The following SEZ6L variants were observed in gnomAD, a reference collection of about 807,000 sequenced individuals.
SEZ6L encodes the protein seizure related 6 homolog like, also known as seizure 6-like protein.
In SEZ6L, 37 loss-of-function variants were observed where a neutral mutation model predicts 106.2. That is an observed-to-expected ratio of 0.35 (90% CI 0.27 to 0.46). SEZ6L has a LOEUF of 0.46. Ranked by LOEUF, SEZ6L falls within the 20% of genes least tolerant of loss-of-function variation. The pLI, the probability that SEZ6L is intolerant of heterozygous loss-of-function variation, is 1.00. For missense variants in SEZ6L, 1,172 were observed against 1,332.8 expected, an observed-to-expected ratio of 0.88 and a Z score of 1.88; for synonymous variants, 541 against 570.4, an observed-to-expected ratio of 0.95 and a Z score of 0.73.
intron 13 of SEZ6L, among the ~76,000 whole-genome samples, chr22:26,366,887 G>A (rs934741810): frequency 5.3e-5 from 8 of 151,868 alleles, no homozygotes; most frequent in African/African-American, 1.9e-4. Context: ...GACCTCAAGC[G>A]ATCCTCCCTC....
At chr22:26,257,725 G>A (rs2079870484) in intron 1 of SEZ6L, among the ~76,000 whole-genome samples, 2 of 152,248 alleles carry the variant, frequency 1.3e-5, no homozygotes, top group South Asian at 4.2e-4. Flanking sequence ...CATTACTCCA[G>A]CCTGCAAGGA....
chr22:26,236,903 C>T (rs2078973556), intron 1 of SEZ6L, among the ~76,000 whole-genome samples: 1 of 152,166 alleles, frequency 6.6e-6, no homozygotes, highest in African/African-American at 2.4e-5. Flanking sequence ...AACAGTCCCC[C>T]TAACACACCA....
intron 11 of SEZ6L, among the ~76,000 whole-genome samples, chr22:26,349,450 T>C (rs1167255325): frequency 1.3e-5 from 2 of 152,270 alleles, no homozygotes; most frequent in Non-Finnish European, 2.9e-5. Context: ...GAAACAACGC[T>C]GCTGTTAAAC....
At chr22:26,348,575 A>G (rs535251833) in intron 11 of SEZ6L, among the ~76,000 whole-genome samples, 10 of 100,384 alleles carry the variant, frequency 1.0e-4, no homozygotes, top group Non-Finnish European at 1.3e-4. Flanking sequence ...GGAAAGAAAG[A>G]AAGAAAGAAA....
intron 5 of SEZ6L, among the ~76,000 whole-genome samples, chr22:26,300,396 C>T (rs1422003830): frequency 2.6e-5 from 4 of 151,844 alleles, no homozygotes. Flanking sequence ...TGAGTGAGAA[C>T]ATGCGGTGTT....
chr22:26,304,328 G>A (rs1189491579), intron 5 of SEZ6L, among the ~76,000 whole-genome samples: 2 of 144,724 alleles, frequency 1.4e-5, no homozygotes, highest in Non-Finnish European at 3.0e-5. Context: ...CTCTAGCCTG[G>A]GTGACAGAGC....
chr22:26,324,070 A>T (rs900737458), intron 9 of SEZ6L, among the ~76,000 whole-genome samples: 1 of 138,986 alleles, frequency 7.2e-6, no homozygotes, highest in South Asian at 2.2e-4. Context: ...TTAACCACAC[A>T]CACACACACA....
chr22:26,359,440 T>C (rs1372779010), intron 12 of SEZ6L, among the ~76,000 whole-genome samples: 1 of 152,196 alleles, frequency 6.6e-6, no homozygotes, highest in Non-Finnish European at 1.5e-5. Flanking sequence ...TTTATACCAC[T>C]AACTAGCTTG....
chr22:26,308,529 A>G (rs1022411036), intron 6 of SEZ6L, among the ~76,000 whole-genome samples: 2 of 151,972 alleles, frequency 1.3e-5, no homozygotes, highest in African/African-American at 4.8e-5. Context: ...CCCTTTCTAA[A>G]CTCCAGTCTC....
At chr22:26,320,402 CT>C (rs1202080330) in intron 9 of SEZ6L, among the ~76,000 whole-genome samples, 1 of 152,244 alleles carries the variant, frequency 6.6e-6, no homozygotes, top group Non-Finnish European at 1.5e-5. Context: ...GCTGTCACGA[CT>C]TGCGTTAGGA....
intron 1 of SEZ6L, among the ~76,000 whole-genome samples, chr22:26,282,844 A>G (rs1236815587): frequency 6.6e-6 from 1 of 152,148 alleles, no homozygotes; most frequent in Non-Finnish European, 1.5e-5. Flanking sequence ...ATAGGTTCAG[A>G]TTATTCTGAA....
intron 1 of SEZ6L, among the ~76,000 whole-genome samples, chr22:26,230,627 C>T (rs767606199): frequency 1.3e-5 from 2 of 152,180 alleles, no homozygotes; most frequent in Non-Finnish European, 2.9e-5. Context: ...TTCAGGGAAA[C>T]AGACTGGAGA....
At chr22:26,376,591 A>T (rs757870997) in intron 15 of SEZ6L, among the ~76,000 whole-genome samples, 4 of 152,074 alleles carry the variant, frequency 2.6e-5, no homozygotes, top group Non-Finnish European at 4.4e-5. Context: ...AAAAAATAAA[A>T]AATAAAATTA....
chr22:26,379,496 G>A (rs1378272266), intron 16 of SEZ6L, among the ~76,000 whole-genome samples: 1 of 152,274 alleles, frequency 6.6e-6, no homozygotes, highest in Non-Finnish European at 1.5e-5. Context: ...GCATATCTGT[G>A]TTGGCTGAAT....
At chr22:26,221,184 T>C (rs996875491) in intron 1 of SEZ6L, among the ~76,000 whole-genome samples, 19 of 152,132 alleles carry the variant, frequency 1.2e-4, no homozygotes, top group Non-Finnish European at 2.4e-4. Flanking sequence ...CCCCTGGCCT[T>C]ATTCACCTGA....
At chr22:26,215,932 G>A (rs2078285707) in intron 1 of SEZ6L, among the ~76,000 whole-genome samples, 1 of 152,212 alleles carries the variant, frequency 6.6e-6, no homozygotes, top group South Asian at 2.1e-4. Context: ...GCAAGGCACT[G>A]AATCATCCCA....
intron 1 of SEZ6L, among the ~76,000 whole-genome samples, chr22:26,239,607 A>G (rs545893940): frequency 6.6e-6 from 1 of 152,198 alleles, no homozygotes; most frequent in Non-Finnish European, 1.5e-5. Context: ...CTGATTCAAG[A>G]TGAGACCCCA....
In SEZ6L at chr22:26,201,823, T is replaced by C. The variant is rs1041890649; in HGVS notation, c.94+32060T>C. On this transcript the variant is annotated intron_variant, in intron 1 of 16. Transcript: ENST00000248933. ...ACATTTTCACAGCCCTGGCCCAGAG[T>C]AGGAGACCAATACATAGTAACTGAT... Among the ~76,000 whole-genome samples, 23 of 152,214 alleles carry C rather than the reference T, an allele frequency of 1.5e-4. No homozygotes were observed. In the South Asian group the frequency reaches 4.1e-3, roughly 27 times the overall value.
intron 1 of SEZ6L, among the ~76,000 whole-genome samples, chr22:26,224,140 G>C (rs1021593286): frequency 1.3e-5 from 2 of 152,308 alleles, no homozygotes; most frequent in Middle Eastern, 3.4e-3. Flanking sequence ...ACCGGCTGTT[G>C]CTGACAATTA....
Sources: allele counts gnomAD v4.1 joint callset (sites outside exome capture counted in the v4.1 genomes callset), GRCh38; gene constraint gnomAD v4.1.1; transcripts MANE v1.5; gene names NCBI Gene and HGNC (gene_info 2026-07-23, HGNC 2026-07-21).